The following MAST4 variants were observed in gnomAD, a reference collection of about 807,000 sequenced individuals.
MAST4 encodes microtubule associated serine/threonine kinase family member 4.
MAST4 carries 89 observed loss-of-function variants against 162.7 expected under a neutral mutation model. The observed-to-expected ratio is 0.55, with a 90% CI of 0.46 to 0.65. The LOEUF (loss-of-function observed/expected upper bound fraction) is 0.65. MAST4 is among the 30% of genes least tolerant of loss of function. The pLI, the probability that MAST4 is intolerant of heterozygous loss-of-function variation, is 0.00. For synonymous variants in MAST4, 1,479 were observed against 1,361.1 expected (o/e 1.09, Z -1.91); for missense variants, 3,153 against 3,374.0 (o/e 0.93, Z 1.62).
intron 19 of MAST4, among the ~76,000 whole-genome samples, chr5:67,140,850 G>T (rs1398643178): frequency 1.3e-5 from 2 of 152,226 alleles, no homozygotes; most frequent in Admixed American, 1.3e-4. Context: ...TAGAAATGTG[G>T]AAACCACTTG....
intron 1 of MAST4, among the ~76,000 whole-genome samples, chr5:66,677,002 G>C (rs755877269): frequency 1.3e-5 from 2 of 152,140 alleles, no homozygotes; most frequent in Admixed American, 6.5e-5. Flanking sequence ...TCTGGTGGAG[G>C]GGTGGCTTTA....
intron 1 of MAST4, among the ~76,000 whole-genome samples, chr5:66,624,757 A>C (rs1473654342): frequency 6.6e-6 from 1 of 152,210 alleles, no homozygotes. Context: ...TATGGTCAAC[A>C]ATTTCTGTAA....
chr5:67,109,469 T>G (rs1011307022), intron 10 of MAST4, among the ~76,000 whole-genome samples: 10 of 152,184 alleles, frequency 6.6e-5, no homozygotes, highest in Admixed American at 2.0e-4. Flanking sequence ...TATCTCATTA[T>G]GTATATGCAA....
In MAST4 at chr5:67,022,713, C is replaced by T. The variant is rs1754133302; in HGVS notation, c.675-31691C>T. Among the ~76,000 whole-genome samples, 4 of 152,180 alleles carry T rather than the reference C, an allele frequency of 2.6e-5. No individual in the cohort carries two copies. The South Asian group carries it at 6.2e-4, about 24-fold the overall frequency. On this transcript the variant is annotated intron_variant, in intron 4 of 28. Transcript: ENST00000403625. ...ACACATTTAATGTTCAAATACGAAA[C>T]ATTACTAAATGCAAATTGCTGTTAA...
At chr5:67,120,855 T>C (rs1298631334) in intron 13 of MAST4, among the ~76,000 whole-genome samples, 162 bp from the exon 14 acceptor site, 1 of 152,198 alleles carries the variant, frequency 6.6e-6, no homozygotes, top group East Asian at 1.9e-4. Flanking sequence ...AGCATTGCTG[T>C]GGATGATGGC....
At chr5:66,950,957 A>G (rs1241123132) in intron 4 of MAST4, among the ~76,000 whole-genome samples, 2 of 152,134 alleles carry the variant, frequency 1.3e-5, no homozygotes, top group Non-Finnish European at 2.9e-5. Flanking sequence ...GTTCATCCAC[A>G]TTACTGCATG....
At chr5:66,808,607 T>A (rs1756321627) in intron 3 of MAST4, among the ~76,000 whole-genome samples, 1 of 152,246 alleles carries the variant, frequency 6.6e-6, no homozygotes, top group African/African-American at 2.4e-5. Context: ...GCCAGTGTCG[T>A]GTCTCTGTGT....
Position 67,163,431 on chromosome 5 carries a change from C to T in MAST4, c.4252C>T (p.His1418Tyr), listed in dbSNP as rs753446518. Residue 1418 changes from histidine (H) to tyrosine (Y), a missense_variant, in exon 29 of 29, where the codon CAC becomes TAC. His to Tyr is a moderately conservative substitution (Grantham distance 83). This residue lies in a region of MAST4 where 619 missense variants were observed against 744.2 expected (regional missense o/e 0.83). Coordinates refer to ENST00000403625, the MANE Select transcript of MAST4 (RefSeq NM_001164664.2). This position sits in a 1 kb window ranked among gnomAD's most constrained non-coding sequence, Gnocchi z 7.0. ...KIAQAFPSKM[H>Y]SPPTIVRHIV... ...CGCGCAAGCCTTTCCCAGCAAGATG[C>T]ACTCCCCGCCCACCATCGTCAGACA... The T allele has an allele frequency of 2.5e-6, 4 of 1,613,184 alleles. No homozygotes were observed. In the South Asian group the frequency reaches 3.3e-5, roughly 13 times the overall value.
chr5:66,799,449 G>T (rs1452154600), intron 3 of MAST4, among the ~76,000 whole-genome samples: 1 of 152,176 alleles, frequency 6.6e-6, no homozygotes, highest in African/African-American at 2.4e-5. Flanking sequence ...TGCCTAAAGA[G>T]CTCAGGAAAA....
intron 3 of MAST4, among the ~76,000 whole-genome samples, chr5:66,864,794 A>G (rs1247187019): frequency 6.6e-6 from 1 of 152,158 alleles, no homozygotes; most frequent in Non-Finnish European, 1.5e-5. Context: ...CAACATCTTC[A>G]TGTTAGACTT....
rs752081231 is a variant in MAST4 at position 67,164,506 on chromosome 5, C to G, written c.5327C>G (p.Ala1776Gly). ...DSGTEKPGLV[A>G]PESPVRKSPS... is the part of the protein sequence containing the mutation. ...GGAACGGAGAAGCCTGGCTTGGTTG[C>G]TCCTGAGTCCCCTGTTAGGAAGAGC... The change falls in exon 29 of 29, where the codon GCT (alanine) becomes GGT (glycine). Residue 1776 changes from alanine to glycine, a missense_variant. Physicochemically the swap from Ala to Gly is moderately conservative, Grantham distance 60. Transcript: ENST00000403625. This position sits in a 1 kb window ranked among gnomAD's most constrained non-coding sequence, Gnocchi z 5.3. The G allele has an allele frequency of 1.4e-5, 23 of 1,613,892 alleles. No individual in the cohort carries two copies. The Admixed American group carries it at 2.8e-4, about 20-fold the overall frequency.
At chr5:66,657,759 T>G (rs990323117) in intron 1 of MAST4, among the ~76,000 whole-genome samples, 10 of 152,212 alleles carry the variant, frequency 6.6e-5, no homozygotes, top group African/African-American at 2.2e-4. Context: ...TCCATGAAGA[T>G]GACTGGAGAA....
intron 1 of MAST4, among the ~76,000 whole-genome samples, chr5:66,636,301 C>G (rs1315669764): frequency 6.6e-6 from 1 of 152,134 alleles, no homozygotes; most frequent in African/African-American, 2.4e-5. Flanking sequence ...ACTTCTGATG[C>G]TTAGCCCAAG....
intron 3 of MAST4, among the ~76,000 whole-genome samples, chr5:66,793,245 G>T (rs530157045): frequency 6.6e-6 from 1 of 152,302 alleles, no homozygotes; most frequent in East Asian, 1.9e-4. Context: ...ATGGCATGTT[G>T]CCAGTTCATC....
In MAST4 at chr5:66,701,593, T is replaced by C. The variant is rs760361629; in HGVS notation, c.364-58116T>C. 2.6e-5 allele frequency among the ~76,000 whole-genome samples: 4 copies of C among 152,342 alleles called. No individual in the cohort carries two copies. In the East Asian group the frequency reaches 7.7e-4, roughly 29 times the overall value. ...TGCTATTTGAATTTGGATGCTTCTT[T>C]AGTGAAGTCTTCATTTCAAAGATTA... On this transcript the variant is annotated intron_variant, in intron 1 of 28. Coordinates refer to ENST00000403625, the MANE Select transcript of MAST4 (RefSeq NM_001164664.2).
At position 67,049,000 on chromosome 5, in the gene MAST4, T is replaced by C. The variant is rs867229939; in HGVS notation, c.675-5404T>C. Among the ~76,000 whole-genome samples the C allele has an allele frequency of 4.1e-3, 512 of 124,734 alleles. 9 individuals carry two copies. The highest frequency in any genetic ancestry group is 0.04 in the South Asian group (157 of 3,926). 81.8% of individuals were successfully genotyped at this position (124,734 alleles called of 152,430 possible). ...ATATATATATATGTATATATATATA[T>C]ACACACACATATATATATATACGTA... On this transcript the variant is annotated intron_variant, in intron 4 of 28. Coordinates refer to ENST00000403625, the MANE Select transcript of MAST4 (RefSeq NM_001164664.2).
At chr5:66,853,131 T>G (rs1759436475) in intron 3 of MAST4, among the ~76,000 whole-genome samples, 1 of 152,240 alleles carries the variant, frequency 6.6e-6, no homozygotes, top group Admixed American at 6.5e-5. Context: ...TTGCTTCTAA[T>G]GAAAGTGAAC....
At chr5:66,649,616 A>G (rs1167900948) in intron 1 of MAST4, among the ~76,000 whole-genome samples, 1 of 152,154 alleles carries the variant, frequency 6.6e-6, no homozygotes, top group Non-Finnish European at 1.5e-5. Context: ...TTCCACTGGG[A>G]GGACTTCCCT....
In MAST4 at chr5:66,788,838, C is replaced by G. The variant is rs533552996; in HGVS notation, c.642+44C>G. 2.7e-5 allele frequency: 40 copies of G among 1,505,864 alleles called. No individual in the cohort carries two copies. The East Asian group carries it at 8.9e-4, about 34-fold the overall frequency. The allele number at this position is 1,505,864 out of a possible 1,614,324, so 93.3% of individuals were successfully genotyped here. On this transcript the variant is annotated intron_variant, in intron 3 of 28. Coordinates refer to ENST00000403625, the MANE Select transcript of MAST4 (RefSeq NM_001164664.2). The stretch of plus-strand genomic sequence containing the variant: ...CGGTGGAGGCTGCTCCAGCTCACCA[C>G]CTCTCTAGGGACAATTTAAGTTAAT...
Sources: allele counts gnomAD v4.1 joint callset (sites outside exome capture counted in the v4.1 genomes callset), GRCh38; gene constraint gnomAD v4.1.1; regional missense constraint gnomAD v4.1.1; non-coding constraint Gnocchi (gnomAD v3.1); transcripts MANE v1.5; gene names NCBI Gene and HGNC (gene_info 2026-07-23, HGNC 2026-07-21).